SCAI: variants seen among roughly 807,000 people sequenced by gnomAD.
The protein encoded by SCAI is protein SCAI.
In SCAI, 24 loss-of-function variants were observed where a neutral mutation model predicts 92.2. The observed-to-expected ratio is 0.26, with a 90% CI of 0.19 to 0.37. The LOEUF is 0.37. SCAI is among the 10% of genes least tolerant of loss of function. The probability of loss-of-function intolerance (pLI) is 1.00; values close to 1 mark genes in which losing one functional copy is unlikely to be tolerated. For synonymous variants in SCAI, 261 were observed against 258.6 expected (o/e 1.01, Z -0.09); for missense variants, 450 against 736.2 (o/e 0.61, Z 4.50).
Position 124,963,757 on chromosome 9 carries a change from CAAAAAAAAAAAAAA to C in SCAI, c.1674+7599_1674+7612del, listed in dbSNP as rs36017738. 1.5e-4 allele frequency among the ~76,000 whole-genome samples: 8 copies of C among 52,282 alleles called. 1 individual carries two copies. The highest frequency in any genetic ancestry group is 2.6e-4 in the Non-Finnish European group (8 of 30,530). 34.3% of individuals were successfully genotyped at this position (52,282 alleles called of 152,430 possible). On this transcript the variant is annotated intron_variant, in intron 17 of 17. Transcript: ENST00000336505. ...TGGGCAACAGAGTGAGAATCTGTCT[CAAAAAAAAAAAAAA>C]AAAAAAAAAAAGGAAAAAGAAAATC...
chr9:124,945,248 A>T lies in SCAI; in HGVS notation c.*7559T>A, dbSNP rs1831127745. 6.6e-6 allele frequency: 1 copy of T among 152,162 alleles called. No homozygotes were observed. The highest frequency in any genetic ancestry group is 2.1e-4 in the South Asian group (1 of 4,824). 9.4% of individuals were successfully genotyped at this position (152,162 alleles called of 1,614,324 possible). A position where few individuals can be genotyped will look rare whatever the true frequency, so the allele number is the denominator to read the frequency against. ...ACATGGCACTGGTTAAAGTAGTCTGATAACTATTAAAAAGAATTTTTTTTA... is the reference window on the plus strand; with the variant it reads ...ACATGGCACTGGTTAAAGTAGTCTGTTAACTATTAAAAAGAATTTTTTTTA... On this transcript the variant is annotated 3_prime_UTR_variant, in exon 18 of 18. Coordinates refer to ENST00000336505, the MANE Select transcript of SCAI (RefSeq NM_001144877.3).
intron 3 of SCAI, among the ~76,000 whole-genome samples, chr9:125,046,704 T>TA (rs11453000): frequency 0.23 from 33,283 of 144,270 alleles, 4,197 homozygotes; most frequent in African/African-American, 0.3. Flanking sequence ...TACTGAAATT[T>TA]AAAAAAAAAA....
At chr9:125,047,200 T>C (rs1373285491) in intron 3 of SCAI, among the ~76,000 whole-genome samples, 1 of 152,114 alleles carries the variant, frequency 6.6e-6, no homozygotes, top group African/African-American at 2.4e-5. Context: ...AAGGTTTTAA[T>C]ACAATATGAG....
chr9:124,989,557 G>T (rs575248594), intron 14 of SCAI, among the ~76,000 whole-genome samples: 1 of 152,036 alleles, frequency 6.6e-6, no homozygotes, highest in Admixed American at 6.6e-5. Flanking sequence ...CTCCAGCCTG[G>T]GTGACAAGAG....
At chr9:125,111,446 A>T (rs1034055656) in intron 2 of SCAI, among the ~76,000 whole-genome samples, 3 of 152,224 alleles carry the variant, frequency 2.0e-5, no homozygotes, top group African/African-American at 7.2e-5. Flanking sequence ...AGAGTAAATC[A>T]AGCTTGTCCA....
At position 124,989,229 on chromosome 9, in the gene SCAI, G is replaced by A. The variant is rs184710525; in HGVS notation, c.1326+5705C>T. 1.8e-3 allele frequency among the ~76,000 whole-genome samples: 274 copies of A among 152,302 alleles called. 1 individual carries two copies. Among genetic ancestry groups the A allele is most frequent in the African/African-American group, 6.3e-3 (261 of 41,554 alleles). On this transcript the variant is annotated intron_variant, in intron 14 of 17. Coordinates refer to ENST00000336505, the MANE Select transcript of SCAI (RefSeq NM_001144877.3). ...AAAGAGAAGATTCTATACGTTTCCAGACACTGAAAATGTGTTGCATAAAAA... is the reference window on the plus strand; with the variant it reads ...AAAGAGAAGATTCTATACGTTTCCAAACACTGAAAATGTGTTGCATAAAAA...
chr9:125,001,049 A>G, intron 12 of SCAI, among the ~76,000 whole-genome samples: 1 of 152,254 alleles, frequency 6.6e-6, no homozygotes, highest in East Asian at 1.9e-4. Context: ...CATACAGATA[A>G]TTATAAATAA....
At chr9:125,047,982 T>C (rs1164426469) in intron 3 of SCAI, among the ~76,000 whole-genome samples, 1 of 152,164 alleles carries the variant, frequency 6.6e-6, no homozygotes, top group Non-Finnish European at 1.5e-5. Context: ...TTTTCTTTTC[T>C]TTTGTTTTTT....
intron 13 of SCAI, among the ~76,000 whole-genome samples, chr9:124,996,040 C>T (rs111714087): frequency 2.6e-5 from 4 of 152,168 alleles, no homozygotes; most frequent in Non-Finnish European, 4.4e-5. Flanking sequence ...TATCATCAAA[C>T]TTCATTATAT....
intron 7 of SCAI, among the ~76,000 whole-genome samples, chr9:125,020,036 TG>T (rs1476688897): frequency 2.8e-5 from 4 of 145,120 alleles, no homozygotes; most frequent in Admixed American, 2.2e-4. Flanking sequence ...ATCATGCCAC[TG>T]TACTCCAGCT....
At chr9:124,954,980 A>G (rs1431666443) in intron 17 of SCAI, among the ~76,000 whole-genome samples, 1 of 152,158 alleles carries the variant, frequency 6.6e-6, no homozygotes, top group African/African-American at 2.4e-5. Flanking sequence ...AGCCTGGCCA[A>G]CATGGTGAAA....
chr9:125,117,720 G>A (rs1476368963), intron 2 of SCAI, among the ~76,000 whole-genome samples: 1 of 131,364 alleles, frequency 7.6e-6, no homozygotes, highest in East Asian at 2.3e-4. Flanking sequence ...TTTGAAACCA[G>A]AAGACCTCCT....
intron 2 of SCAI, among the ~76,000 whole-genome samples, chr9:125,138,249 CTTTTTTTTTT>C (rs10570060): frequency 3.9e-4 from 41 of 104,208 alleles, no homozygotes; most frequent in Admixed American, 6.8e-4. Context: ...ACTATTATTT[CTTTTTTTTTT>C]TTTTTTTTTT....
intron 2 of SCAI, among the ~76,000 whole-genome samples, chr9:125,125,909 T>TACACACACACAC (rs10554292): frequency 0.015 from 2,117 of 137,962 alleles, 31 homozygotes; most frequent in Non-Finnish European, 0.018. Context: ...TGCGTACACG[T>TACACACACACAC]ACACACACAC....
chr9:125,005,392 C>T (rs1050268160), intron 9 of SCAI, among the ~76,000 whole-genome samples: 5 of 152,138 alleles, frequency 3.3e-5, no homozygotes, highest in East Asian at 1.9e-4. Context: ...AGTGCAACGG[C>T]GCAATCTCGG....
intron 2 of SCAI, among the ~76,000 whole-genome samples, chr9:125,086,231 A>C (rs1021487458): frequency 6.6e-6 from 1 of 152,134 alleles, no homozygotes; most frequent in African/African-American, 2.4e-5. Context: ...TACTTAAAGC[A>C]CCTTATGTAA....
At chr9:125,109,689 C>CTATG (rs1554792317) in intron 2 of SCAI, among the ~76,000 whole-genome samples, 16 of 148,626 alleles carry the variant, frequency 1.1e-4, no homozygotes, top group Admixed American at 7.6e-4. Flanking sequence ...ATCTATCTAT[C>CTATG]TATGTATTTA....
Position 125,109,833 on chromosome 9 carries a change from C to T in SCAI, c.98+32800G>A, listed in dbSNP as rs574667848. Among the ~76,000 whole-genome samples, 8 of 152,152 alleles carry T rather than the reference C, an allele frequency of 5.3e-5. No individual in the cohort carries two copies. In the East Asian group the frequency reaches 9.7e-4, roughly 18 times the overall value. On this transcript the variant is annotated intron_variant, in intron 2 of 17. Transcript: ENST00000336505. ...TCCCAAGTAGGTGAGATTACAGGCACGCACCACCACGCCCAGCTAATTTTT... is the reference window on the plus strand; with the variant it reads ...TCCCAAGTAGGTGAGATTACAGGCATGCACCACCACGCCCAGCTAATTTTT...
intron 17 of SCAI, among the ~76,000 whole-genome samples, chr9:124,957,429 C>G (rs1316630029): frequency 2.0e-5 from 3 of 151,398 alleles, no homozygotes; most frequent in Non-Finnish European, 2.9e-5. Flanking sequence ...GTGGTGCAAT[C>G]TCGGCTCATT....
Sources: gnomAD v4.1 joint callset for allele counts (sites outside exome capture counted in the v4.1 genomes callset) on GRCh38, gnomAD v4.1.1 for gene constraint, MANE v1.5 for transcripts, NCBI Gene and HGNC (gene_info 2026-07-23, HGNC 2026-07-21) for gene names.